TTC6: variants seen among roughly 807,000 people sequenced by gnomAD.
TTC6 encodes the protein tetratricopeptide repeat domain 6.
In TTC6, 172 loss-of-function variants were observed where a neutral mutation model predicts 210.4. The observed-to-expected ratio is 0.82, with a 90% CI of 0.72 to 0.93. TTC6 has a LOEUF of 0.93. TTC6 is among the 40% of genes least tolerant of loss of function. The pLI is 0.00. For synonymous variants in TTC6, 804 were observed against 819.6 expected (o/e 0.98, Z 0.32); for missense variants, 2,414 against 2,318.1 (o/e 1.04, Z -0.85).
intron 1 of TTC6, among the ~76,000 whole-genome samples, chr14:37,669,745 T>A (rs76002591): frequency 6.6e-6 from 1 of 152,296 alleles, no homozygotes; most frequent in African/African-American, 2.4e-5. Context: ...TGCTTTTTCA[T>A]CCTTCACATC....
chr14:37,832,750 T>G (rs1202052160), intron 29 of TTC6, among the ~76,000 whole-genome samples: 2 of 152,084 alleles, frequency 1.3e-5, no homozygotes, highest in East Asian at 3.9e-4. Flanking sequence ...TGGAGAATAT[T>G]CCATGTACTG....
At chr14:37,798,006 G>T (rs1156399328) in intron 20 of TTC6, among the ~76,000 whole-genome samples, 2 of 151,972 alleles carry the variant, frequency 1.3e-5, no homozygotes, top group Non-Finnish European at 2.9e-5. Context: ...TGTTCCTTTG[G>T]TCAATTTTTC....
chr14:37,671,115 G>T (rs1051128583), intron 1 of TTC6, among the ~76,000 whole-genome samples: 1 of 152,104 alleles, frequency 6.6e-6, no homozygotes, highest in Non-Finnish European at 1.5e-5. Flanking sequence ...CTTGTCTGGG[G>T]CTGCTGTCGT....
intron 1 of TTC6, among the ~76,000 whole-genome samples, chr14:37,649,028 C>G (rs1395714840): frequency 6.6e-6 from 1 of 152,052 alleles, no homozygotes; most frequent in Non-Finnish European, 1.5e-5. Flanking sequence ...TATAGAGTTT[C>G]TTAAGATCAC....
chr14:37,751,960 G>A (rs1162816002), intron 13 of TTC6, among the ~76,000 whole-genome samples: 1 of 151,448 alleles, frequency 6.6e-6, no homozygotes, highest in South Asian at 2.1e-4. Context: ...AGCAGCTGGG[G>A]CTACAGGTGC....
chr14:37,763,343 A>C (rs547599707), intron 14 of TTC6, among the ~76,000 whole-genome samples: 2 of 152,162 alleles, frequency 1.3e-5, no homozygotes, highest in South Asian at 4.1e-4. Flanking sequence ...GTGAATGAGG[A>C]AGTATTTTCT....
At chr14:37,664,012 C>G (rs1029632917) in intron 1 of TTC6, among the ~76,000 whole-genome samples, 1 of 137,714 alleles carries the variant, frequency 7.3e-6, no homozygotes, top group Non-Finnish European at 1.7e-5. Context: ...ATGACCCAAA[C>G]AAATGGAGAA....
chr14:37,770,272 A>T (rs897832203), intron 14 of TTC6, among the ~76,000 whole-genome samples: 1 of 152,124 alleles, frequency 6.6e-6, no homozygotes, highest in Non-Finnish European at 1.5e-5. Context: ...AAAAAAATGT[A>T]TATTCTGTTG....
At chr14:37,635,348 A>G (rs1029748188) in intron 1 of TTC6, among the ~76,000 whole-genome samples, 1 of 152,232 alleles carries the variant, frequency 6.6e-6, no homozygotes. Flanking sequence ...CAGTATAGAC[A>G]CATCAAAATA....
At chr14:37,683,068 C>A in intron 3 of TTC6, 104 bp downstream of exon 5, 3 of 976,084 alleles carry the variant, frequency 3.1e-6, no homozygotes, top group Non-Finnish European at 4.6e-6. Context: ...GGGCTGGGGG[C>A]GGGGGTGATG....
At chr14:37,670,474 C>CCTTTTTTTTTTTTTTTT (rs532690678) in intron 1 of TTC6, among the ~76,000 whole-genome samples, 8 of 121,326 alleles carry the variant, frequency 6.6e-5, no homozygotes, top group South Asian at 2.8e-4. Flanking sequence ...AACTACCTCA[C>CCTTTTTTTTTTTTTTTT]TTTTTTTTTT....
chr14:37,715,065 A>G (rs2095850403), intron 6 of TTC6, among the ~76,000 whole-genome samples: 1 of 152,046 alleles, frequency 6.6e-6, no homozygotes, highest in African/African-American at 2.4e-5. Flanking sequence ...GCTACTTGGG[A>G]GGCTAAGATG....
intron 14 of TTC6, among the ~76,000 whole-genome samples, chr14:37,772,888 C>T (rs2096024778): frequency 6.6e-6 from 1 of 152,188 alleles, no homozygotes; most frequent in Non-Finnish European, 1.5e-5. Context: ...AGTCTATAAG[C>T]ATTCCCTTTT....
chr14:37,713,753 A>G (rs562991642), intron 5 of TTC6, among the ~76,000 whole-genome samples: 26 of 152,254 alleles, frequency 1.7e-4, no homozygotes, highest in Non-Finnish European at 3.2e-4. Context: ...GAGTGGGTCT[A>G]CTTCTTAACA....
chr14:37,751,192 A>C (rs1440195364), exon 13 of TTC6: 3 of 1,529,906 alleles, frequency 2.0e-6, no homozygotes, highest in Non-Finnish European at 2.6e-6. Flanking sequence ...ATGAAATAAC[A>C]AACAAAGTAC....
In TTC6 at chr14:37,672,821, A is replaced by ATTTTTTTTTTTTTTTTTTTTTT. The variant is rs377117749; in HGVS notation, c.940-7311_940-7310insTTTTTTTTTTTTTTTTTTTTTT. On this transcript the variant is annotated intron_variant, in intron 1 of 30. Transcript: ENST00000553443. ...TAAGCAAGCTTTTCATGAATTCCTC[A>ATTTTTTTTTTTTTTTTTTTTTT]TTTTTTTTTTTTTTTTTTTACTAAA... Among the ~76,000 whole-genome samples, 107 of 128,936 alleles carry ATTTTTTTTTTTTTTTTTTTTTT rather than the reference A, an allele frequency of 8.3e-4. 2 individuals are homozygous for ATTTTTTTTTTTTTTTTTTTTTT. Among genetic ancestry groups the ATTTTTTTTTTTTTTTTTTTTTT allele is most frequent in the African/African-American group, 2.0e-3 (65 of 32,438 alleles). 84.6% of individuals were successfully genotyped at this position (128,936 alleles called of 152,430 possible).
intron 1 of TTC6, among the ~76,000 whole-genome samples, chr14:37,657,211 T>C (rs1595068741): frequency 3.5e-5 from 1 of 28,848 alleles, no homozygotes; most frequent in Non-Finnish European, 7.2e-5. Context: ...AAACTCTGTC[T>C]CAAAAAAAAA....
intron 1 of TTC6, among the ~76,000 whole-genome samples, chr14:37,641,781 A>T (rs2095692258): frequency 6.6e-6 from 1 of 152,126 alleles, no homozygotes; most frequent in African/African-American, 2.4e-5. Flanking sequence ...AAATTTCCCC[A>T]TAGTGTTTCT....
chr14:37,782,243 T>G (rs1452705464), intron 14 of TTC6, among the ~76,000 whole-genome samples: 1 of 152,218 alleles, frequency 6.6e-6, no homozygotes, highest in African/African-American at 2.4e-5. Context: ...ACGATATTGA[T>G]TCTTCCTATC....
Sources: gnomAD v4.1 joint callset for allele counts (sites outside exome capture counted in the v4.1 genomes callset) on GRCh38, gnomAD v4.1.1 for gene constraint, MANE v1.5 for transcripts, NCBI Gene and HGNC (gene_info 2026-07-23, HGNC 2026-07-21) for gene names.